CFAP57: variants seen among roughly 807,000 people sequenced by gnomAD.
CFAP57 encodes the protein cilia- and flagella-associated protein 57.
CFAP57 carries 116 observed loss-of-function variants against 146.8 expected under a neutral mutation model. That is an observed-to-expected ratio of 0.79 (90% CI 0.68 to 0.92). The LOEUF is 0.92. Among genes scored for constraint, CFAP57 ranks in the 40% least tolerant of loss-of-function variants. CFAP57 has a pLI of 0.00. For synonymous variants in CFAP57, 518 were observed against 552.8 expected, an observed-to-expected ratio of 0.94 and a Z score of 0.88; for missense variants, 1,377 against 1,527.2, an observed-to-expected ratio of 0.90 and a Z score of 1.64.
intron 2 of CFAP57, 65 bp downstream of exon 2, chr1:43,172,975 A>G (rs1447189974): frequency 6.9e-7 from 1 of 1,446,776 alleles, no homozygotes; most frequent in Non-Finnish European, 9.7e-7. Context: ...CCATAATCCC[A>G]GCATGATGAT....
chr1:43,229,943 C>T (rs1645403047), intron 18 of CFAP57, among the ~76,000 whole-genome samples: 1 of 152,216 alleles, frequency 6.6e-6, no homozygotes, highest in East Asian at 1.9e-4. Flanking sequence ...CATTGAGAAT[C>T]TCTGAGTGTG....
At chr1:43,174,514 G>A (rs973070996) in intron 2 of CFAP57, among the ~76,000 whole-genome samples, 1 of 152,098 alleles carries the variant, frequency 6.6e-6, no homozygotes, top group Non-Finnish European at 1.5e-5. Context: ...GTGTTGATTA[G>A]GGGCAATAAA....
rs1359879469 is a variant in CFAP57 at position 43,185,270 on chromosome 1, T to C, written c.883T>C (p.Phe295Leu). Residue 295 changes from phenylalanine to leucine, a missense_variant, in exon 5 of 23, where the codon TTT becomes CTT. By Grantham distance (22) the Phe-to-Leu change is conservative. Coordinates refer to ENST00000372492, the MANE Select transcript of CFAP57 (RefSeq NM_001378189.1). ...VFAIAAYSKG[F>L]ACSAGPGRVL... ...TGCCATTGCAGCCTATTCAAAGGGA[T>C]TTGCCTGTTCTGCTGGGCCAGGGAG... is the stretch of plus-strand genomic sequence containing the variant. The C allele has an allele frequency of 1.2e-6, 2 of 1,614,066 alleles. No homozygotes were observed. Among genetic ancestry groups the C allele is most frequent in the African/African-American group, 1.3e-5 (1 of 75,006 alleles).
At position 43,222,107 on chromosome 1, in the gene CFAP57, T is replaced by C; in HGVS notation, c.2344T>C (p.Cys782Arg). 6.5e-7 allele frequency: 1 copy of C among 1,546,352 alleles called. No individual in the cohort carries two copies. Among genetic ancestry groups the C allele is most frequent in the Non-Finnish European group, 8.7e-7 (1 of 1,144,792 alleles). ...ATACCATCCTTGCTTCTCTCCAGAA[T>C]GTTGCAACAACCAAAAGTTGCTTCT... ...KQSRELQDME[C>R]CNNQKLLLEY... The change falls in exon 15 of 23, where the codon TGT (cysteine) becomes CGT (arginine). Residue 782 changes from cysteine to arginine, a missense_variant and splice_region_variant. By Grantham distance (180) the Cys-to-Arg change is radical (BLOSUM62 -3). Coordinates refer to ENST00000372492, the MANE Select transcript of CFAP57 (RefSeq NM_001378189.1).
chr1:43,227,240 C>A, intron 18 of CFAP57, 114 bp downstream of exon 18: 1 of 1,260,238 alleles, frequency 7.9e-7, no homozygotes, highest in Non-Finnish European at 1.0e-6. Context: ...CTCTCTGCTC[C>A]CAAGGTGTGT....
intron 22 of CFAP57, among the ~76,000 whole-genome samples, chr1:43,248,513 G>A (rs1008083722): frequency 1.3e-5 from 2 of 151,268 alleles, no homozygotes; most frequent in Non-Finnish European, 2.9e-5. Context: ...GTAGAGATGG[G>A]GTTTCACCAT....
At chr1:43,227,841 C>T (rs560916060) in intron 18 of CFAP57, among the ~76,000 whole-genome samples, 5 of 152,284 alleles carry the variant, frequency 3.3e-5, no homozygotes, top group East Asian at 1.9e-4. Context: ...TCCAGTTTTC[C>T]CTCTCTCAGT....
At chr1:43,180,615 C>T (rs932036434) in intron 2 of CFAP57, among the ~76,000 whole-genome samples, 2 of 152,124 alleles carry the variant, frequency 1.3e-5, no homozygotes, top group Non-Finnish European at 2.9e-5. Flanking sequence ...CATGGGAATT[C>T]TCTGGAAGGG....
At chr1:43,247,029 C>G (rs561025536) in intron 22 of CFAP57, among the ~76,000 whole-genome samples, 1 of 152,238 alleles carries the variant, frequency 6.6e-6, no homozygotes, top group Non-Finnish European at 1.5e-5. Flanking sequence ...CCAACACAAA[C>G]TATTGATTCA....
intron 6 of CFAP57, among the ~76,000 whole-genome samples, chr1:43,187,267 A>G (rs1643189641): frequency 6.6e-6 from 1 of 152,226 alleles, no homozygotes; most frequent in Non-Finnish European, 1.5e-5. Flanking sequence ...AGACATTACA[A>G]CAAAAAAGCA....
At chr1:43,249,421 CTTTTTTTTTTTTT>C (rs60189164) in intron 22 of CFAP57, among the ~76,000 whole-genome samples, 1 of 67,902 alleles carries the variant, frequency 1.5e-5, no homozygotes, top group Non-Finnish European at 2.9e-5. Flanking sequence ...TTAACCATTT[CTTTTTTTTTTTTT>C]TTTTTTTTTT....
chr1:43,243,559 C>A (rs1175937872), intron 22 of CFAP57, among the ~76,000 whole-genome samples, 200 bp downstream of exon 22: 1 of 152,210 alleles, frequency 6.6e-6, no homozygotes, highest in Non-Finnish European at 1.5e-5. Flanking sequence ...GGTCCACAGT[C>A]CCCTGGCTGA....
chr1:43,195,900 T>G (rs189663850), intron 6 of CFAP57, among the ~76,000 whole-genome samples: 201 of 152,272 alleles, frequency 1.3e-3, no homozygotes, highest in African/African-American at 4.3e-3. Context: ...TAAAATAAAA[T>G]TTGTCTTATA....
At chr1:43,177,698 G>GC (rs1205392699) in intron 2 of CFAP57, among the ~76,000 whole-genome samples, 1 of 152,158 alleles carries the variant, frequency 6.6e-6, no homozygotes. Flanking sequence ...AAACTGTTCT[G>GC]CCCCAGATCA....
Position 43,234,642 on chromosome 1 carries a change from C to T in CFAP57, c.3405+4C>T, listed in dbSNP as rs1021558264. 2 of 1,547,486 alleles carry T rather than the reference C, an allele frequency of 1.3e-6. No homozygotes were observed. Among genetic ancestry groups the T allele is most frequent in the Non-Finnish European group, 1.7e-6 (2 of 1,145,388 alleles). The stretch of plus-strand genomic sequence containing the variant: ...AGACTACGTCCGCATCATGCAGGTA[C>T]CTGCATGCTCCCCTCAGCCCCTGTG... On this transcript the variant is annotated splice_donor_region_variant and intron_variant, in intron 21 of 22. Transcript: ENST00000372492.
intron 21 of CFAP57, 30 bp downstream of exon 21, chr1:43,234,668 G>A (rs1253158679): frequency 6.5e-7 from 1 of 1,533,326 alleles, no homozygotes; most frequent in Non-Finnish European, 8.8e-7. Flanking sequence ...AGCCCCTGTG[G>A]AGGCCAAGCC....
At chr1:43,242,996 A>G (rs766376947) in intron 21 of CFAP57, among the ~76,000 whole-genome samples, 5 of 152,184 alleles carry the variant, frequency 3.3e-5, no homozygotes, top group Non-Finnish European at 7.3e-5. Context: ...CGTTGCAACA[A>G]GCATGGGTGG....
chr1:43,185,235 C>T lies in CFAP57; in HGVS notation c.848C>T (p.Pro283Leu). Residue 283 changes from proline to leucine, a missense_variant, in exon 5 of 23, where the codon CCC becomes CTC. Physicochemically the swap from Pro to Leu is moderately conservative, Grantham distance 98. Transcript: ENST00000372492. ...AGTAGCCATAGCCAGATGTCCATGC[C>T]CCAGGTGTTTGCCATTGCAGCCTAT... ...AASSHSQMSM[P>L]QVFAIAAYSK... 6.2e-7 allele frequency: 1 copy of T among 1,614,144 alleles called. No homozygotes were observed. The highest frequency in any genetic ancestry group is 1.1e-5 in the South Asian group (1 of 91,082).
At chr1:43,172,959 A>G in intron 2 of CFAP57, 49 bp downstream of exon 2, 1 of 1,507,790 alleles carries the variant, frequency 6.6e-7, no homozygotes, top group Non-Finnish European at 9.2e-7. Context: ...TGTGCCACAT[A>G]TAACCCCATA....
Sources: allele counts gnomAD v4.1 joint callset (sites outside exome capture counted in the v4.1 genomes callset), GRCh38; gene constraint gnomAD v4.1.1; transcripts MANE v1.5; gene names NCBI Gene and HGNC (gene_info 2026-07-23, HGNC 2026-07-21).